The following CACNA2D3 variants were observed in gnomAD, a reference collection of about 807,000 sequenced individuals.
CACNA2D3 encodes calcium voltage-gated channel auxiliary subunit alpha2delta 3.
In CACNA2D3, 60 loss-of-function variants were observed where a neutral mutation model predicts 160.6. The ratio of observed to expected loss-of-function variants is 0.37; its 90% CI spans 0.30 to 0.46. CACNA2D3 has a LOEUF of 0.46. Ranked by LOEUF, CACNA2D3 falls within the 20% of genes least tolerant of loss-of-function variation. CACNA2D3 has a pLI of 1.00. For missense variants in CACNA2D3, 1,205 were observed against 1,365.0 expected, an observed-to-expected ratio of 0.88 and a Z score of 1.85; for synonymous variants, 558 against 492.9, an observed-to-expected ratio of 1.13 and a Z score of -1.75.
intron 2 of CACNA2D3, among the ~76,000 whole-genome samples, chr3:54,196,111 C>G (rs1031888686): frequency 6.6e-6 from 1 of 152,216 alleles, no homozygotes; most frequent in Admixed American, 6.5e-5. Context: ...GTGGAAGCAT[C>G]TGACTGTTTT....
chr3:54,988,374 G>A (rs553385293), intron 31 of CACNA2D3, among the ~76,000 whole-genome samples: 47 of 151,726 alleles, frequency 3.1e-4, no homozygotes, highest in African/African-American at 1.0e-3. Flanking sequence ...ATGGCCCCAT[G>A]TCCCTCATGG....
At chr3:54,728,061 A>C (rs902790579) in intron 11 of CACNA2D3, among the ~76,000 whole-genome samples, 4 of 152,106 alleles carry the variant, frequency 2.6e-5, no homozygotes, top group Non-Finnish European at 5.9e-5. Context: ...ATGTGTAAGA[A>C]TGTTTTCTTT....
intron 4 of CACNA2D3, among the ~76,000 whole-genome samples, chr3:54,408,239 A>G (rs1384026368): frequency 6.6e-6 from 1 of 152,174 alleles, no homozygotes; most frequent in Admixed American, 6.5e-5. Flanking sequence ...ACCTTGGAGA[A>G]AATCCCCAAA....
chr3:54,921,657 G>T (rs552948492), intron 27 of CACNA2D3, among the ~76,000 whole-genome samples: 7 of 152,034 alleles, frequency 4.6e-5, no homozygotes, highest in Admixed American at 1.3e-4. Context: ...TAAAGCCCCC[G>T]TGTAATCCGC....
intron 27 of CACNA2D3, among the ~76,000 whole-genome samples, chr3:54,929,019 G>A (rs1575383742): frequency 6.6e-6 from 1 of 152,162 alleles, no homozygotes; most frequent in South Asian, 2.1e-4. Flanking sequence ...ATGTTCTGCT[G>A]TGTGTAACTG....
At chr3:54,840,343 A>T (rs968495009) in intron 16 of CACNA2D3, among the ~76,000 whole-genome samples, 5 of 150,728 alleles carry the variant, frequency 3.3e-5, no homozygotes, top group Admixed American at 2.6e-4. Flanking sequence ...AAAGAAACTG[A>T]GGCATGGAAA....
intron 27 of CACNA2D3, among the ~76,000 whole-genome samples, chr3:54,911,934 C>T (rs1700565016): frequency 6.6e-6 from 1 of 152,186 alleles, no homozygotes; most frequent in Non-Finnish European, 1.5e-5. Context: ...TGTACAGTAC[C>T]TGTGAGTCAG....
At chr3:54,410,227 A>C (rs1029453025) in intron 4 of CACNA2D3, among the ~76,000 whole-genome samples, 1 of 152,050 alleles carries the variant, frequency 6.6e-6, no homozygotes, top group Non-Finnish European at 1.5e-5. Context: ...GGTGGCTTGC[A>C]TGTGTAATAC....
At chr3:54,571,953 C>A (rs1249515547) in intron 8 of CACNA2D3, among the ~76,000 whole-genome samples, 1 of 152,080 alleles carries the variant, frequency 6.6e-6, no homozygotes, top group East Asian at 1.9e-4. Flanking sequence ...GGCTCCTTAG[C>A]CAGTGGTGGG....
At chr3:54,708,536 T>C (rs756879140) in intron 11 of CACNA2D3, among the ~76,000 whole-genome samples, 7 of 152,128 alleles carry the variant, frequency 4.6e-5, no homozygotes, top group Non-Finnish European at 1.5e-5. Context: ...AATAGGTAAA[T>C]GTTGATTGAG....
chr3:54,735,296 T>C (rs796694850), intron 11 of CACNA2D3, among the ~76,000 whole-genome samples: 25 of 152,322 alleles, frequency 1.6e-4, no homozygotes, highest in African/African-American at 6.0e-4. Flanking sequence ...AGCCATGACC[T>C]CTGGGAAGCT....
At chr3:54,983,050 A>G (rs934699868) in intron 29 of CACNA2D3, among the ~76,000 whole-genome samples, 3 of 152,172 alleles carry the variant, frequency 2.0e-5, no homozygotes, top group Non-Finnish European at 4.4e-5. Flanking sequence ...TCCAGCCTCT[A>G]AAGATGGAAT....
At chr3:54,871,407 TG>T in intron 17 of CACNA2D3, 131 bp from the exon 18 acceptor site, 1 of 618,230 alleles carries the variant, frequency 1.6e-6, no homozygotes, top group East Asian at 2.8e-5. Context: ...GTCACCCTGC[TG>T]GGCTTCTCAC....
chr3:54,159,448 GAA>G (rs1268561611), intron 2 of CACNA2D3, among the ~76,000 whole-genome samples: 1 of 151,936 alleles, frequency 6.6e-6, no homozygotes, highest in African/African-American at 2.4e-5. Flanking sequence ...GCAGTTTAAG[GAA>G]AAAAATTCTA....
At chr3:54,303,847 T>C (rs7429094) in intron 2 of CACNA2D3, among the ~76,000 whole-genome samples, 97,881 of 136,390 alleles carry the variant, frequency 0.72, 35,393 homozygotes, top group Non-Finnish European at 0.75. Context: ...TTCTATTGCT[T>C]AGTGCTGCTC....
chr3:54,354,752 C>CT (rs1452487224), intron 3 of CACNA2D3, among the ~76,000 whole-genome samples: 13 of 152,326 alleles, frequency 8.5e-5, no homozygotes, highest in African/African-American at 3.1e-4. Flanking sequence ...CCTTGGGCTA[C>CT]TTGGTTCTCA....
Position 54,982,715 on chromosome 3 carries a change from T to G in CACNA2D3, c.2557-1893T>G, listed in dbSNP as rs965674552. Among the ~76,000 whole-genome samples the G allele has an allele frequency of 3.0e-4, 45 of 151,708 alleles. 1 individual carries two copies. Among genetic ancestry groups the G allele is most frequent in the South Asian group, 1.2e-3 (6 of 4,808 alleles). On this transcript the variant is annotated intron_variant, in intron 29 of 37. Transcript: ENST00000474759. The stretch of plus-strand genomic sequence containing the variant: ...GCTGCTGGTTGCCCATTTTTATGTT[T>G]TTTTTTTTTTTAATTATAGGCTAAA...
chr3:54,144,872 A>G (rs1036141993), intron 2 of CACNA2D3, among the ~76,000 whole-genome samples: 3 of 152,192 alleles, frequency 2.0e-5, no homozygotes, highest in African/African-American at 7.2e-5. Flanking sequence ...GTTTATTCCA[A>G]CCTTCAAGCT....
intron 35 of CACNA2D3, among the ~76,000 whole-genome samples, chr3:55,021,801 C>T (rs572811476): frequency 1.5e-4 from 23 of 151,018 alleles, no homozygotes; most frequent in Non-Finnish European, 3.0e-4. Flanking sequence ...ATGCTTAAAT[C>T]GTGTTTTAAA....
Sources: gnomAD v4.1 joint callset for allele counts (sites outside exome capture counted in the v4.1 genomes callset) on GRCh38, gnomAD v4.1.1 for gene constraint, MANE v1.5 for transcripts, NCBI Gene and HGNC (gene_info 2026-07-23, HGNC 2026-07-21) for gene names.